The following VASH1 variants were observed in gnomAD, a reference collection of about 807,000 sequenced individuals.
The protein encoded by VASH1 is tubulinyl-Tyr carboxypeptidase 1.
Under a neutral mutation model 35.0 loss-of-function variants are expected in VASH1, and 16 were observed. The ratio of observed to expected loss-of-function variants is 0.46; its 90% CI spans 0.31 to 0.70. The LOEUF (loss-of-function observed/expected upper bound fraction) is 0.70, where lower values mean the gene tolerates loss of function less well. Among genes scored for constraint, VASH1 ranks in the 30% least tolerant of loss-of-function variants. The probability of loss-of-function intolerance (pLI) is 0.05; values close to 1 mark genes in which losing one functional copy is unlikely to be tolerated. For synonymous variants in VASH1, 214 were observed against 200.9 expected (o/e 1.07, Z -0.55); for missense variants, 505 against 510.7 (o/e 0.99, Z 0.11).
At chr14:76,775,255 G>A (rs529241507) in intron 4 of VASH1, among the ~76,000 whole-genome samples, 1 of 152,292 alleles carries the variant, frequency 6.6e-6, no homozygotes, top group Admixed American at 6.5e-5. Context: ...CTTCAGTCCT[G>A]AGCAGCAGCC....
Position 76,770,094 on chromosome 14 carries a change from G to T in VASH1, c.398+43G>T, listed in dbSNP as rs766337403. 9 of 1,571,752 alleles carry T rather than the reference G, an allele frequency of 5.7e-6. No individual in the cohort carries two copies. In the East Asian group the frequency reaches 2.0e-4, roughly 35 times the overall value. Reference sequence around the variant, plus strand: ...GGGTCATGGCCACCTTCTGGCCGGTGTGGTGGGCCTTGTTTCCAGGCAGAG... The same window carrying T: ...GGGTCATGGCCACCTTCTGGCCGGTTTGGTGGGCCTTGTTTCCAGGCAGAG... On this transcript the variant is annotated intron_variant, in intron 2 of 6. Transcript: ENST00000167106.
chr14:76,766,710 G>A (rs1893651321), intron 1 of VASH1, among the ~76,000 whole-genome samples: 1 of 152,116 alleles, frequency 6.6e-6, no homozygotes, highest in South Asian at 2.1e-4. Context: ...CCAAAGTGCT[G>A]GGATTACAGG....
In VASH1 at chr14:76,761,714, C is replaced by T. The variant is rs1371899264; in HGVS notation, c.-1108C>T. On this transcript the variant is annotated 5_prime_UTR_variant, in exon 1 of 7. Coordinates refer to ENST00000167106, the MANE Select transcript of VASH1 (RefSeq NM_014909.5). ...CCGCCGGCCGAGGCTGCGCGAGCCT[C>T]CGGGCTTGCGGTCCCCGCCCCGCGG... Among the ~76,000 whole-genome samples the T allele has an allele frequency of 6.6e-6, 1 of 151,910 alleles. No individual in the cohort carries two copies. The highest frequency in any genetic ancestry group is 2.4e-5 in the African/African-American group (1 of 41,426).
At chr14:76,768,629 C>A (rs1409855891) in intron 1 of VASH1, among the ~76,000 whole-genome samples, 1 of 152,112 alleles carries the variant, frequency 6.6e-6, no homozygotes, top group Non-Finnish European at 1.5e-5. Context: ...CTTGTCAGAG[C>A]CCCAGCCACT....
chr14:76,781,505 AG>A lies in VASH1; in HGVS notation c.*2490del, dbSNP rs1193119236. ...CCTCTGGGAGCTTCCCGGGAATGACAGGGTTTGAGGGGAGTAGATATGAGAG... is the reference window on the plus strand; with the variant it reads ...CCTCTGGGAGCTTCCCGGGAATGACAGGTTTGAGGGGAGTAGATATGAGAG... On this transcript the variant is annotated 3_prime_UTR_variant, in exon 7 of 7. Transcript: ENST00000167106. 1.3e-5 allele frequency: 2 copies of A among 152,230 alleles called. No homozygotes were observed. Among genetic ancestry groups the A allele is most frequent in the Non-Finnish European group, 2.9e-5 (2 of 68,098 alleles). 9.4% of individuals were successfully genotyped at this position (152,230 alleles called of 1,614,324 possible). A position where few individuals can be genotyped will look rare whatever the true frequency, so the allele number is the denominator to read the frequency against.
chr14:76,771,125 T>C, intron 2 of VASH1, 65 bp from the exon 3 acceptor site: 6 of 1,428,088 alleles, frequency 4.2e-6, no homozygotes, highest in South Asian at 3.0e-5. Context: ...AGCTTCAGGA[T>C]AGGCAGGAAG....
intron 1 of VASH1, among the ~76,000 whole-genome samples, chr14:76,766,386 G>A (rs1175970928): frequency 1.3e-5 from 2 of 152,178 alleles, no homozygotes; most frequent in Non-Finnish European, 2.9e-5. Context: ...CAGAGCTCCT[G>A]CAGAATGGGA....
intron 2 of VASH1, 32 bp from the exon 3 acceptor site, chr14:76,771,158 C>G (rs1204719278): frequency 7.2e-6 from 11 of 1,526,364 alleles, no homozygotes; most frequent in African/African-American, 1.4e-5. Context: ...TCCTTCAGGC[C>G]AAGCTAGGAA....
intron 4 of VASH1, chr14:76,774,902 G>A (rs1200118174): frequency 2.0e-5 from 3 of 152,296 alleles, no homozygotes. Flanking sequence ...CTCTGAGCCT[G>A]GGAGTCCTCC....
chr14:76,779,965 G>C lies in VASH1; in HGVS notation c.*947G>C, dbSNP rs911445081. The stretch of plus-strand genomic sequence containing the variant: ...AGCAGTGCCAGGAGCCCTTGCTGGG[G>C]AAATCAAGACCAGACTAGGATGCTT... On this transcript the variant is annotated 3_prime_UTR_variant, in exon 7 of 7. Transcript: ENST00000167106. 1 of 182,144 alleles carries C rather than the reference G, an allele frequency of 5.5e-6. No individual in the cohort carries two copies. Among genetic ancestry groups the C allele is most frequent in the African/African-American group, 2.4e-5 (1 of 42,222 alleles). 11.3% of individuals were successfully genotyped at this position (182,144 alleles called of 1,614,324 possible). A position where few individuals can be genotyped will look rare whatever the true frequency, so the allele number is the denominator to read the frequency against.
intron 2 of VASH1, 69 bp downstream of exon 2, chr14:76,770,120 C>G (rs1329919593): frequency 1.4e-6 from 2 of 1,466,874 alleles, no homozygotes; most frequent in Non-Finnish European, 1.9e-6. Context: ...CCAGGCAGAG[C>G]TGGAGAGGTA....
intron 6 of VASH1, among the ~76,000 whole-genome samples, chr14:76,778,504 TC>T (rs1334960134): frequency 2.0e-5 from 3 of 152,166 alleles, no homozygotes; most frequent in Non-Finnish European, 2.9e-5. Context: ...TGATTTCAGC[TC>T]CTACACATCA....
rs748224750 is a variant in VASH1, at chr14:76,770,146, C to T, written c.398+95C>T. 23 of 1,166,602 alleles carry T rather than the reference C, an allele frequency of 2.0e-5. No homozygotes were observed. The African/African-American group carries it at 3.5e-4, about 18-fold the overall frequency. 72.3% of individuals were successfully genotyped at this position (1,166,602 alleles called of 1,614,324 possible). A position where few individuals can be genotyped will look rare whatever the true frequency, so the allele number is the denominator to read the frequency against. The stretch of plus-strand genomic sequence containing the variant: ...TGGAGAGGTATCAGCAGAGCCGCCT[C>T]ATTCCACAACGCCAGGGCCACCATT... On this transcript the variant is annotated intron_variant, in intron 2 of 6. Transcript: ENST00000167106.
At chr14:76,769,187 A>G (rs767375279) in intron 1 of VASH1, 5 of 854,610 alleles carry the variant, frequency 5.9e-6, no homozygotes, top group Non-Finnish European at 7.0e-6. Flanking sequence ...AGGCATCGGG[A>G]AACACTGCCT....
rs1893541834 is a variant in VASH1 at position 76,762,922 on chromosome 14, G to C, written c.101G>C (p.Ser34Thr). ...TCTGGGGTCAGGCGTTTGGAGACCA[G>C]CGAAGGAACCTCAGCCCAGAGAGAT... ...APSGVRRLET[S>T]EGTSAQRDEE... The change falls in exon 1 of 7, where the codon AGC becomes ACC. Residue 34 changes from serine to threonine, a missense_variant. Coordinates refer to ENST00000167106, the MANE Select transcript of VASH1 (RefSeq NM_014909.5). 1.9e-6 allele frequency: 3 copies of C among 1,575,968 alleles called. No homozygotes were observed. The highest frequency in any genetic ancestry group is 2.6e-6 in the Non-Finnish European group (3 of 1,161,940).
intron 1 of VASH1, chr14:76,769,501 C>A (rs1394837451): frequency 1.4e-5 from 18 of 1,287,610 alleles, no homozygotes; most frequent in Admixed American, 4.6e-5. Context: ...ATGCTCACCC[C>A]CCTCAGGACC....
In VASH1 at chr14:76,762,024, G is replaced by A. The variant is rs1448858989; in HGVS notation, c.-798G>A. Among the ~76,000 whole-genome samples the A allele has an allele frequency of 6.6e-6, 1 of 152,116 alleles. No homozygotes were observed. Among genetic ancestry groups the A allele is most frequent in the Non-Finnish European group, 1.5e-5 (1 of 67,974 alleles). On this transcript the variant is annotated 5_prime_UTR_variant, in exon 1 of 7. Coordinates refer to ENST00000167106, the MANE Select transcript of VASH1 (RefSeq NM_014909.5). Reference sequence around the variant, plus strand: ...ACGCGCCCGAGTGGGGACCCGCTGGGCCTCGGGGCTCGCAGCCTTCGCCTC... The same window carrying A: ...ACGCGCCCGAGTGGGGACCCGCTGGACCTCGGGGCTCGCAGCCTTCGCCTC...
At chr14:76,769,533 A>G (rs1893734514) in intron 1 of VASH1, 7 of 1,269,014 alleles carry the variant, frequency 5.5e-6, no homozygotes, top group Non-Finnish European at 7.2e-6. Context: ...CTAGGGCACC[A>G]CCTGAGAAGA....
At chr14:76,776,459 A>T (rs979287919) in intron 5 of VASH1, among the ~76,000 whole-genome samples, 186 bp downstream of exon 5, 1 of 149,352 alleles carries the variant, frequency 6.7e-6, no homozygotes, top group Admixed American at 6.6e-5. Flanking sequence ...CGGAGGGAGG[A>T]GGTGGGTGGG....
Sources: allele counts gnomAD v4.1 joint callset (sites outside exome capture counted in the v4.1 genomes callset), GRCh38; gene constraint gnomAD v4.1.1; transcripts MANE v1.5; gene names NCBI Gene and HGNC (gene_info 2026-07-23, HGNC 2026-07-21).